Variants in WDR70 observed in about 807,000 individuals in gnomAD.
WDR70 encodes WD repeat-containing protein 70.
WDR70 carries 53 observed loss-of-function variants against 88.6 expected under a neutral mutation model. The observed-to-expected ratio is 0.60, with a 90% CI of 0.48 to 0.75. The LOEUF (loss-of-function observed/expected upper bound fraction) is 0.75, where lower values mean the gene tolerates loss of function less well. WDR70 is among the 30% of genes least tolerant of loss of function. The probability of loss-of-function intolerance (pLI) is 0.00; values close to 1 mark genes in which losing one functional copy is unlikely to be tolerated. For synonymous variants in WDR70, 280 were observed against 270.0 expected (o/e 1.04, Z -0.36); for missense variants, 610 against 823.2 (o/e 0.74, Z 3.17).
chr5:37,696,708 C>G (rs1434588155), intron 10 of WDR70, among the ~76,000 whole-genome samples: 1 of 152,164 alleles, frequency 6.6e-6, no homozygotes, highest in African/African-American at 2.4e-5. Flanking sequence ...AGAGGTTACT[C>G]TATTAATGAC....
chr5:37,471,469 T>A (rs1031600037), intron 7 of WDR70, among the ~76,000 whole-genome samples: 11 of 151,742 alleles, frequency 7.2e-5, no homozygotes, highest in Admixed American at 4.6e-4. Context: ...CTTTTTTTTT[T>A]AAATACCATT....
intron 2 of WDR70, among the ~76,000 whole-genome samples, chr5:37,379,936 TG>T (rs1748373202): frequency 6.6e-6 from 1 of 152,198 alleles, no homozygotes; most frequent in Admixed American, 6.6e-5. Flanking sequence ...GCTGAAAAAT[TG>T]GGTATGTGCC....
chr5:37,462,442 A>C (rs937925004), intron 7 of WDR70, among the ~76,000 whole-genome samples: 1 of 152,070 alleles, frequency 6.6e-6, no homozygotes, highest in Non-Finnish European at 1.5e-5. Context: ...AGCTGGGACT[A>C]CAGGCGCCTG....
At chr5:37,487,621 A>T (rs1215226224) in intron 8 of WDR70, among the ~76,000 whole-genome samples, 60 of 37,684 alleles carry the variant, frequency 1.6e-3, no homozygotes, top group African/African-American at 4.2e-3. Context: ...ATATATATAT[A>T]TATGTATTTT....
intron 5 of WDR70, among the ~76,000 whole-genome samples, chr5:37,417,817 G>A (rs567701987): frequency 6.6e-6 from 1 of 152,298 alleles, no homozygotes; most frequent in African/African-American, 2.4e-5. Flanking sequence ...AAAGTCCTGG[G>A]ATTATAGACA....
At chr5:37,581,901 G>A (rs1473022667) in intron 9 of WDR70, among the ~76,000 whole-genome samples, 2 of 152,044 alleles carry the variant, frequency 1.3e-5, no homozygotes, top group Non-Finnish European at 2.9e-5. Flanking sequence ...ATATTAGGGG[G>A]CATGTCCCTT....
chr5:37,392,407 C>T (rs1748862356), intron 4 of WDR70, among the ~76,000 whole-genome samples: 1 of 152,002 alleles, frequency 6.6e-6, no homozygotes, highest in Non-Finnish European at 1.5e-5. Context: ...TGGTCTCGAA[C>T]TCCTGACCTC....
chr5:37,681,120 GT>G (rs1039178696), intron 10 of WDR70, among the ~76,000 whole-genome samples: 2 of 151,056 alleles, frequency 1.3e-5, no homozygotes, highest in Non-Finnish European at 1.5e-5. Flanking sequence ...TCTTTGAGCA[GT>G]TTTTTTTTGT....
intron 10 of WDR70, 76 bp from the exon 11 acceptor site, chr5:37,697,579 G>T: frequency 8.6e-7 from 1 of 1,164,330 alleles, no homozygotes; most frequent in South Asian, 1.3e-5. Flanking sequence ...GTAATAAAGT[G>T]AAATGTTCTT....
intron 7 of WDR70, among the ~76,000 whole-genome samples, chr5:37,462,611 A>C (rs966475052): frequency 1.3e-5 from 2 of 152,050 alleles, no homozygotes; most frequent in African/African-American, 4.8e-5. Flanking sequence ...CCAAGTCCTT[A>C]ATTTGTAAGT....
intron 9 of WDR70, among the ~76,000 whole-genome samples, chr5:37,556,940 T>C (rs1742309124): frequency 6.6e-6 from 1 of 152,230 alleles, no homozygotes; most frequent in Admixed American, 6.5e-5. Context: ...GGGAGCCAAC[T>C]GCCAGTCCTG....
At chr5:37,713,392 C>G (rs944030126) in intron 13 of WDR70, among the ~76,000 whole-genome samples, 1 of 152,106 alleles carries the variant, frequency 6.6e-6, no homozygotes, top group Admixed American at 6.6e-5. Flanking sequence ...TATTTCTAGT[C>G]CTTTGAAACA....
chr5:37,633,439 C>G (rs1173366044), intron 10 of WDR70, among the ~76,000 whole-genome samples: 2 of 151,226 alleles, frequency 1.3e-5, no homozygotes, highest in Admixed American at 1.3e-4. Context: ...AAAATTAAAA[C>G]ATTTTGCTGA....
At chr5:37,700,997 A>G (rs905688959) in intron 11 of WDR70, 61 bp from the exon 12 acceptor site, 3 of 1,009,444 alleles carry the variant, frequency 3.0e-6, no homozygotes, top group African/African-American at 3.2e-5. Context: ...CTAAACTGGG[A>G]GCGAGTTCTT....
intron 9 of WDR70, among the ~76,000 whole-genome samples, chr5:37,585,253 G>C (rs1743333100): frequency 6.6e-6 from 1 of 152,042 alleles, no homozygotes; most frequent in African/African-American, 2.4e-5. Flanking sequence ...GCCTCCCAAA[G>C]TGCTGGGATT....
At chr5:37,683,138 G>T (rs953235309) in intron 10 of WDR70, among the ~76,000 whole-genome samples, 2 of 152,096 alleles carry the variant, frequency 1.3e-5, no homozygotes, top group Non-Finnish European at 2.9e-5. Flanking sequence ...AATCCATTTT[G>T]TCTGAAATTA....
intron 5 of WDR70, among the ~76,000 whole-genome samples, chr5:37,414,601 G>GT (rs765190732): frequency 0.076 from 9,227 of 121,234 alleles, 763 homozygotes; most frequent in African/African-American, 0.19. Context: ...AGGACAGTCT[G>GT]TTTTTTTTTT....
chr5:37,622,563 T>TA (rs1430025750), intron 10 of WDR70, among the ~76,000 whole-genome samples: 3 of 152,126 alleles, frequency 2.0e-5, no homozygotes, highest in African/African-American at 7.2e-5. Flanking sequence ...TATGCAGCCT[T>TA]AAAAAGGGTG....
At chr5:37,730,197 C>T (rs987053632) in intron 17 of WDR70, among the ~76,000 whole-genome samples, 10 of 152,066 alleles carry the variant, frequency 6.6e-5, no homozygotes, top group African/African-American at 2.4e-4. Flanking sequence ...CTGTGATTAT[C>T]CACAAAGTAG....
Sources: gnomAD v4.1 joint callset for allele counts (sites outside exome capture counted in the v4.1 genomes callset) on GRCh38, gnomAD v4.1.1 for gene constraint, MANE v1.5 for transcripts, NCBI Gene and HGNC (gene_info 2026-07-23, HGNC 2026-07-21) for gene names.